Variants in BEND7 observed in about 807,000 individuals in gnomAD.
BEND7 encodes the protein BEN domain containing 7.
A neutral mutation model predicts 50.9 loss-of-function variants in BEND7; 28 were observed. The observed-to-expected ratio is 0.55, with a 90% CI of 0.41 to 0.75. BEND7 has a LOEUF of 0.75. BEND7 is among the 30% of genes least tolerant of loss of function. BEND7 has a pLI of 0.00. For missense variants in BEND7, 477 were observed against 491.3 expected (o/e 0.97, Z 0.28); for synonymous variants, 170 against 183.9 (o/e 0.92, Z 0.61).
Position 13,441,158 on chromosome 10 carries a change from C to T in BEND7, c.*585G>A, listed in dbSNP as rs1835262564. 1.0e-6 allele frequency: 1 copy of T among 983,638 alleles called. No homozygotes were observed. The highest frequency in any genetic ancestry group is 6.1e-5 in the Admixed American group (1 of 16,266). 60.9% of individuals were successfully genotyped at this position (983,638 alleles called of 1,614,324 possible). A position where few individuals can be genotyped will look rare whatever the true frequency, so the allele number is the denominator to read the frequency against. ...AGCATCTTGGGAATTGATACCACAA[C>T]ACAATGTTATACACCATTTTCACAA... is the stretch of plus-strand genomic sequence containing the variant. On this transcript the variant is annotated 3_prime_UTR_variant, in exon 9 of 9. Coordinates refer to ENST00000466271, the MANE Select transcript of BEND7 (RefSeq NM_001369863.1).
intron 6 of BEND7, among the ~76,000 whole-genome samples, chr10:13,480,042 C>A (rs936332997): frequency 6.6e-6 from 1 of 152,168 alleles, no homozygotes; most frequent in Admixed American, 6.5e-5. Context: ...CACCCCTATC[C>A]GTTATTCCAG....
intron 6 of BEND7, among the ~76,000 whole-genome samples, chr10:13,467,550 CTTTT>C (rs992938598): frequency 3.3e-5 from 5 of 152,240 alleles, no homozygotes; most frequent in Non-Finnish European, 4.4e-5. Context: ...ACAAACTTGG[CTTTT>C]TTATTTTAGA....
chr10:13,495,832 G>C (rs2076983339), intron 4 of BEND7, among the ~76,000 whole-genome samples: 1 of 152,114 alleles, frequency 6.6e-6, no homozygotes, highest in African/African-American at 2.4e-5. Context: ...TCTGAGTGAC[G>C]ACCTTCCGGA....
At chr10:13,504,691 G>C (rs996875846) in intron 2 of BEND7, among the ~76,000 whole-genome samples, 4 of 152,132 alleles carry the variant, frequency 2.6e-5, no homozygotes, top group Admixed American at 6.6e-5. Flanking sequence ...CATTTTTCCT[G>C]ATCTCTTTCC....
chr10:13,456,304 C>T (rs1350463341), intron 6 of BEND7, among the ~76,000 whole-genome samples: 1 of 152,068 alleles, frequency 6.6e-6, no homozygotes, highest in Non-Finnish European at 1.5e-5. Context: ...GAGGAGCAAC[C>T]GCGTGTGAGG....
At chr10:13,451,991 C>T (rs574806336) in intron 7 of BEND7, among the ~76,000 whole-genome samples, 27 of 152,188 alleles carry the variant, frequency 1.8e-4, no homozygotes, top group African/African-American at 4.3e-4. Context: ...CACAATGAAA[C>T]GGGTGCTCAC....
In BEND7 at chr10:13,452,598, C is replaced by G. The variant is rs1419535008; in HGVS notation, c.1124G>C (p.Trp375Ser). The change falls in exon 7 of 9, where the codon TGG becomes TCG. Residue 375 changes from tryptophan to serine, a missense_variant. Trp to Ser is a radical substitution (Grantham distance 177). This residue lies in a region of BEND7 where 64 missense variants were observed against 68.5 expected (regional missense o/e 0.93). Coordinates refer to ENST00000466271, the MANE Select transcript of BEND7 (RefSeq NM_001369863.1). ...HVDKLPGPRD[W>S]VQILQDQIKL... ...AATTTGATCCTGTAGAATCTGTACC[C>G]AATCTCTTGGGCCAGGAAGCTTATC... 6.2e-7 allele frequency: 1 copy of G among 1,613,336 alleles called. No individual in the cohort carries two copies. Among genetic ancestry groups the G allele is most frequent in the Non-Finnish European group, 8.5e-7 (1 of 1,179,568 alleles).
At chr10:13,512,810 T>A (rs1044365232) in intron 2 of BEND7, among the ~76,000 whole-genome samples, 1 of 152,210 alleles carries the variant, frequency 6.6e-6, no homozygotes, top group African/African-American at 2.4e-5. Flanking sequence ...GACAAACAGA[T>A]CACATTCACA....
chr10:13,498,915 G>GT (rs1353274118), intron 3 of BEND7, among the ~76,000 whole-genome samples: 1 of 152,020 alleles, frequency 6.6e-6, no homozygotes, highest in African/African-American at 2.4e-5. Flanking sequence ...CACAAATTGT[G>GT]TTTTTAAAAA....
intron 2 of BEND7, among the ~76,000 whole-genome samples, chr10:13,509,346 A>G (rs963554870): frequency 6.6e-6 from 1 of 152,086 alleles, no homozygotes; most frequent in Non-Finnish European, 1.5e-5. Context: ...CTTCCTACGG[A>G]CCCTGGGCCC....
chr10:13,527,607 G>T (rs1262970199), intron 1 of BEND7, among the ~76,000 whole-genome samples: 1 of 152,112 alleles, frequency 6.6e-6, no homozygotes, highest in Non-Finnish European at 1.5e-5. Flanking sequence ...AACAGAGCGG[G>T]TCTAAACTCA....
In BEND7 at chr10:13,519,432, C is replaced by T. The variant is rs553507785; in HGVS notation, c.145+6706G>A. 3.7e-4 allele frequency among the ~76,000 whole-genome samples: 56 copies of T among 151,268 alleles called. 1 individual carries two copies. The highest frequency in any genetic ancestry group is 3.4e-3 in the Admixed American group (51 of 15,210). On this transcript the variant is annotated intron_variant, in intron 2 of 8. Transcript: ENST00000466271. ...TGGAGCTTGCAGTGAGCCGAGATGGCGCCACTGCACTCCAGCCTGGGCAAC... is the reference window on the plus strand; with the variant it reads ...TGGAGCTTGCAGTGAGCCGAGATGGTGCCACTGCACTCCAGCCTGGGCAAC...
intron 6 of BEND7, among the ~76,000 whole-genome samples, chr10:13,476,069 C>T (rs535395371): frequency 8.2e-4 from 124 of 152,124 alleles, no homozygotes; most frequent in African/African-American, 2.7e-3. Flanking sequence ...TTTAAATCTA[C>T]GTGAGATCAA....
intron 4 of BEND7, among the ~76,000 whole-genome samples, chr10:13,495,452 G>A (rs555972649): frequency 1.3e-5 from 2 of 152,232 alleles, no homozygotes; most frequent in Admixed American, 6.5e-5. Context: ...ACCTGAGGTC[G>A]GGAGTTTGAG....
At chr10:13,474,590 C>T (rs550296387) in intron 6 of BEND7, among the ~76,000 whole-genome samples, 9 of 151,858 alleles carry the variant, frequency 5.9e-5, no homozygotes, top group Non-Finnish European at 7.4e-5. Flanking sequence ...GGTCGATACC[C>T]GTCACCGCTG....
intron 8 of BEND7, chr10:13,442,376 G>A (rs1835463526): frequency 6.6e-6 from 1 of 152,222 alleles, no homozygotes; most frequent in Non-Finnish European, 1.5e-5. Flanking sequence ...AAGATTCAAT[G>A]CAATTTGCTT....
At chr10:13,512,834 C>G (rs1303199227) in intron 2 of BEND7, among the ~76,000 whole-genome samples, 1 of 152,156 alleles carries the variant, frequency 6.6e-6, no homozygotes, top group Non-Finnish European at 1.5e-5. Flanking sequence ...GCTTTTTCTT[C>G]CAAGGATCTC....
At chr10:13,483,711 T>C (rs1247359410) in intron 5 of BEND7, among the ~76,000 whole-genome samples, 1 of 152,224 alleles carries the variant, frequency 6.6e-6, no homozygotes, top group African/African-American at 2.4e-5. Context: ...AGGCTGGTTC[T>C]GCAGGCAAGA....
At position 13,466,742 on chromosome 10, in the gene BEND7, CAT is replaced by C. The variant is rs765465143; in HGVS notation, c.1064-14086_1064-14085del. 9.8e-4 allele frequency among the ~76,000 whole-genome samples: 150 copies of C among 152,294 alleles called. 1 individual carries two copies. The highest frequency in any genetic ancestry group is 1.3e-3 in the Non-Finnish European group (91 of 68,012). On this transcript the variant is annotated intron_variant, in intron 6 of 8. Coordinates refer to ENST00000466271, the MANE Select transcript of BEND7 (RefSeq NM_001369863.1). ...GCATAAAACACATGCGTTCCCTCCA[CAT>C]GTTACTGGGCTTGACTGTTCTTTAG...
Sources: allele counts gnomAD v4.1 joint callset (sites outside exome capture counted in the v4.1 genomes callset), GRCh38; gene constraint gnomAD v4.1.1; regional missense constraint gnomAD v4.1.1; transcripts MANE v1.5; gene names NCBI Gene and HGNC (gene_info 2026-07-23, HGNC 2026-07-21).